The following UQCC4 variants were observed in gnomAD, a reference collection of about 807,000 sequenced individuals.
UQCC4 encodes the protein ubiquinol-cytochrome c reductase complex assembly factor 4.
chr16:1,420,402 G>A, the UQCC4 span: 1 of 1,614,246 alleles, frequency 6.2e-7, no homozygotes, highest in Non-Finnish European at 8.5e-7. Context: ...AGCAGCTGAG[G>A]GGCAGCACCT....
the UQCC4 span, chr16:1,419,909 G>A: frequency 6.9e-7 from 1 of 1,441,392 alleles, no homozygotes; most frequent in Non-Finnish European, 9.4e-7. Flanking sequence ...AACACTGGAT[G>A]ACAAGTGTCA....
chr16:1,420,565 T>C, the UQCC4 span: 19 of 1,610,988 alleles, frequency 1.2e-5, no homozygotes, highest in Non-Finnish European at 1.5e-5. Context: ...GGGCAACGGA[T>C]GAAGGCTTCG....
At chr16:1,420,232 C>G in the UQCC4 span, 1 of 1,613,516 alleles carries the variant, frequency 6.2e-7, no homozygotes, top group African/African-American at 1.3e-5. Context: ...CTGCCAGCCC[C>G]AGCGGGCACC....
At chr16:1,420,588 T>A in the UQCC4 span, 1 of 1,600,806 alleles carries the variant, frequency 6.2e-7, no homozygotes, top group Non-Finnish European at 8.5e-7. Context: ...AAGCCCAGCC[T>A]ATGAGCCTCA....
the UQCC4 span, chr16:1,420,005 G>A: frequency 1.9e-6 from 3 of 1,603,490 alleles, no homozygotes; most frequent in East Asian, 2.3e-5. Context: ...CTTCCCCAAG[G>A]ATCTGAGAAG....
the UQCC4 span, chr16:1,420,065 C>T: frequency 6.2e-7 from 1 of 1,612,828 alleles, no homozygotes; most frequent in South Asian, 1.1e-5. Flanking sequence ...GGAGCAGTTT[C>T]CGATCTGCTG....
At chr16:1,420,321 C>T in the UQCC4 span, 6 of 1,614,208 alleles carry the variant, frequency 3.7e-6, no homozygotes, top group Non-Finnish European at 5.1e-6. Context: ...CCTCTCCCCA[C>T]ACCTGTCTCA....
the UQCC4 span, chr16:1,420,510 G>A: frequency 3.1e-6 from 5 of 1,614,246 alleles, no homozygotes; most frequent in Non-Finnish European, 3.4e-6. Flanking sequence ...GGCGGTCAGG[G>A]TCGTCCTCTT....
chr16:1,419,975 G>T, the UQCC4 span: 2 of 1,579,666 alleles, frequency 1.3e-6, no homozygotes, highest in South Asian at 1.1e-5. Context: ...AAATCCAACA[G>T]CATACAGTGC....
the UQCC4 span, chr16:1,420,450 G>C: frequency 1.9e-6 from 3 of 1,614,164 alleles, no homozygotes; most frequent in African/African-American, 4.0e-5. Flanking sequence ...CCATGGTATG[G>C]CCCACCGACC....
At chr16:1,419,861 C>A in the UQCC4 span, 1 of 1,331,662 alleles carries the variant, frequency 7.5e-7, no homozygotes, top group Non-Finnish European at 9.9e-7. Flanking sequence ...ACACTTCTGC[C>A]AGATATTCTA....
chr16:1,420,687 C>G, the UQCC4 span: 1 of 1,546,456 alleles, frequency 6.5e-7, no homozygotes, highest in Non-Finnish European at 8.7e-7. Context: ...CCTTGAGGAG[C>G]TCACCCGGCC....
chr16:1,420,714 C>T, the UQCC4 span: 3 of 1,541,536 alleles, frequency 1.9e-6, no homozygotes, highest in Non-Finnish European at 2.6e-6. Flanking sequence ...GCACACAAGA[C>T]ACGATTCATT....
chr16:1,420,587 C>T, the UQCC4 span: 1 of 1,600,898 alleles, frequency 6.2e-7, no homozygotes, highest in East Asian at 2.3e-5. Flanking sequence ...GAAGCCCAGC[C>T]TATGAGCCTC....
chr16:1,420,718 A>T, the UQCC4 span: 1 of 1,540,362 alleles, frequency 6.5e-7, no homozygotes. Context: ...ACAAGACACG[A>T]TTCATTGCTG....
the UQCC4 span, chr16:1,420,619 G>A: frequency 1.2e-5 from 18 of 1,562,548 alleles, no homozygotes; most frequent in African/African-American, 2.2e-4. Context: ...GGCCCTGGAA[G>A]AGAGAGAGCA....
the UQCC4 span, chr16:1,420,645 G>A: frequency 6.5e-7 from 1 of 1,549,110 alleles, no homozygotes; most frequent in Non-Finnish European, 8.7e-7. Flanking sequence ...CGCTCCGCCC[G>A]CCCGCCGGTG....
the UQCC4 span, chr16:1,420,179 C>T: frequency 6.2e-7 from 1 of 1,614,046 alleles, no homozygotes; most frequent in Non-Finnish European, 8.5e-7. Flanking sequence ...CAGTCACGGG[C>T]AAACGTGACA....
At chr16:1,420,423 C>A in the UQCC4 span, 56 of 1,614,158 alleles carry the variant, frequency 3.5e-5, no homozygotes, top group African/African-American at 7.1e-4. Flanking sequence ...TCCACCAGGG[C>A]CGCTGATGTC....
Sources: allele counts gnomAD v4.1 joint callset, GRCh38; gene constraint gnomAD v4.1.1; transcripts MANE v1.5; gene names NCBI Gene and HGNC (gene_info 2026-07-23, HGNC 2026-07-21).